Variants in CHST8 observed in about 807,000 individuals in gnomAD.
The protein encoded by CHST8 is carbohydrate sulfotransferase 8.
A neutral mutation model predicts 15.0 loss-of-function variants in CHST8; 10 were observed. The observed-to-expected ratio is 0.67, with a 90% CI of 0.41 to 1.13. The LOEUF (loss-of-function observed/expected upper bound fraction) is 1.13. Among genes scored for constraint, CHST8 ranks in the 50% most tolerant of loss-of-function variants. The pLI is 0.00. For missense variants in CHST8, 634 were observed against 608.2 expected (o/e 1.04, Z -0.45); for synonymous variants, 259 against 256.6 (o/e 1.01, Z -0.09).
chr19:33,743,185 G>A lies in CHST8; in HGVS notation c.131-28228G>A, dbSNP rs1461563473. Reference sequence around the variant, plus strand: ...CTATATTGCTTTAGAAAGGGGTGGGGGTATCTTCTAGGCAGTAGTGGATTT... The same window carrying A: ...CTATATTGCTTTAGAAAGGGGTGGGAGTATCTTCTAGGCAGTAGTGGATTT... On this transcript the variant is annotated intron_variant, in intron 3 of 4. Transcript: ENST00000650847. Among the ~76,000 whole-genome samples, 3 of 152,004 alleles carry A rather than the reference G, an allele frequency of 2.0e-5. No individual in the cohort carries two copies. In the South Asian group the frequency reaches 6.2e-4, roughly 32 times the overall value.
intron 3 of CHST8, among the ~76,000 whole-genome samples, chr19:33,719,770 A>AGT (rs1785573120): frequency 6.6e-6 from 1 of 151,220 alleles, no homozygotes; most frequent in Non-Finnish European, 1.5e-5. Flanking sequence ...AATCACATGC[A>AGT]GTCGGACCTG....
At chr19:33,722,376 C>T (rs534839838) in intron 3 of CHST8, among the ~76,000 whole-genome samples, 4 of 152,024 alleles carry the variant, frequency 2.6e-5, no homozygotes, top group East Asian at 1.9e-4. Flanking sequence ...GACGGACAGA[C>T]GGATGGGTAG....
chr19:33,664,448 C>G (rs1328268222), intron 1 of CHST8, among the ~76,000 whole-genome samples: 3 of 114,274 alleles, frequency 2.6e-5, no homozygotes, highest in South Asian at 3.9e-4. Context: ...CCCCCTCCCC[C>G]CTCCCCACAA....
intron 2 of CHST8, among the ~76,000 whole-genome samples, chr19:33,679,795 A>G (rs1186446295): frequency 6.6e-6 from 1 of 152,134 alleles, no homozygotes; most frequent in Non-Finnish European, 1.5e-5. Context: ...GGGCTTGGAG[A>G]TCTGCTGCCC....
chr19:33,759,295 A>C (rs11084750), intron 3 of CHST8, among the ~76,000 whole-genome samples: 32,114 of 152,222 alleles, frequency 0.21, 3,581 homozygotes, highest in Middle Eastern at 0.29. Flanking sequence ...ATGGGAATTC[A>C]CCATTATTTA....
At chr19:33,689,583 G>T in intron 3 of CHST8, among the ~76,000 whole-genome samples, 192 bp downstream of exon 3, 1 of 152,262 alleles carries the variant, frequency 6.6e-6, no homozygotes, top group East Asian at 1.9e-4. Flanking sequence ...TCTGATGCAA[G>T]ACCTCCAGCC....
intron 3 of CHST8, among the ~76,000 whole-genome samples, chr19:33,694,576 G>C (rs1207287593): frequency 6.6e-6 from 1 of 152,030 alleles, no homozygotes; most frequent in Non-Finnish European, 1.5e-5. Flanking sequence ...GCCAGGCCTC[G>C]TATTGAGAAC....
chr19:33,654,189 G>A (rs1305708810), intron 1 of CHST8, among the ~76,000 whole-genome samples: 1 of 152,142 alleles, frequency 6.6e-6, no homozygotes, highest in Admixed American at 6.5e-5. Flanking sequence ...TCTACGGAGA[G>A]TGTTGAAATC....
Position 33,746,558 on chromosome 19 carries a change from G to A in CHST8, c.131-24855G>A, listed in dbSNP as rs553429306. The stretch of plus-strand genomic sequence containing the variant: ...TTTTCTTACAGGCAAGCAGTATTCC[G>A]TAGAATGGATGTACCATGTTCATTT... On this transcript the variant is annotated intron_variant, in intron 3 of 4. Transcript: ENST00000650847. 1.8e-4 allele frequency among the ~76,000 whole-genome samples: 27 copies of A among 152,336 alleles called. No homozygotes were observed. The East Asian group carries it at 3.3e-3, about 18-fold the overall frequency.
chr19:33,764,296 C>G (rs948061716), intron 3 of CHST8, among the ~76,000 whole-genome samples: 2 of 152,136 alleles, frequency 1.3e-5, no homozygotes, highest in Non-Finnish European at 2.9e-5. Flanking sequence ...TCTAAACCAG[C>G]AGACGAGCTG....
At chr19:33,727,242 C>A (rs759595239) in intron 3 of CHST8, among the ~76,000 whole-genome samples, 4 of 152,076 alleles carry the variant, frequency 2.6e-5, no homozygotes, top group Non-Finnish European at 5.9e-5. Flanking sequence ...TTGGGCATCC[C>A]CTTCTGGAAA....
chr19:33,766,822 A>G (rs1314653393), intron 3 of CHST8, among the ~76,000 whole-genome samples: 3 of 152,324 alleles, frequency 2.0e-5, no homozygotes, highest in African/African-American at 4.8e-5. Context: ...TGGAGTGGAC[A>G]GCGCCAATGG....
chr19:33,726,791 G>T (rs993107295), intron 3 of CHST8, among the ~76,000 whole-genome samples: 1 of 152,178 alleles, frequency 6.6e-6, no homozygotes, highest in African/African-American at 2.4e-5. Context: ...GCTAGGAGAC[G>T]TGGGCCAGGG....
In CHST8 at chr19:33,759,291, AT is replaced by A. The variant is rs2066081256; in HGVS notation, c.131-12120del. On this transcript the variant is annotated intron_variant, in intron 3 of 4. Transcript: ENST00000650847. ...ATTTGCTGGTAACCCCACAATGGGA[AT>A]TCACCATTATTTAGACCAAATGAGG... Among the ~76,000 whole-genome samples, 4 of 152,250 alleles carry A rather than the reference AT, an allele frequency of 2.6e-5. No individual in the cohort carries two copies. In the South Asian group the frequency reaches 8.3e-4, roughly 31 times the overall value.
At chr19:33,709,899 C>T (rs1291122107) in intron 3 of CHST8, among the ~76,000 whole-genome samples, 1 of 152,146 alleles carries the variant, frequency 6.6e-6, no homozygotes, top group Non-Finnish European at 1.5e-5. Flanking sequence ...GCCTCTAACT[C>T]CTAGGCTCAA....
chr19:33,747,518 C>T (rs900580375), intron 3 of CHST8, among the ~76,000 whole-genome samples: 6 of 152,060 alleles, frequency 3.9e-5, no homozygotes, highest in Non-Finnish European at 5.9e-5. Flanking sequence ...TAAAAATAAA[C>T]AATACGTTGC....
chr19:33,757,608 C>T (rs1209859823), intron 3 of CHST8, among the ~76,000 whole-genome samples: 8 of 134,532 alleles, frequency 5.9e-5, no homozygotes, highest in South Asian at 5.0e-4. Flanking sequence ...AAGAAAGAGC[C>T]GGCCATTCAG....
intron 3 of CHST8, among the ~76,000 whole-genome samples, chr19:33,758,668 G>A (rs561630026): frequency 3.3e-5 from 5 of 152,316 alleles, no homozygotes; most frequent in African/African-American, 4.8e-5. Flanking sequence ...TGAGGCTGCC[G>A]TCCTGGCTGC....
intron 2 of CHST8, among the ~76,000 whole-genome samples, chr19:33,676,307 T>C (rs950591570): frequency 2.0e-5 from 3 of 152,212 alleles, no homozygotes; most frequent in African/African-American, 7.2e-5. Context: ...CAGTGGCTTA[T>C]GTCTGTAATC....
Sources: allele counts gnomAD v4.1 joint callset (sites outside exome capture counted in the v4.1 genomes callset), GRCh38; gene constraint gnomAD v4.1.1; transcripts MANE v1.5; gene names NCBI Gene and HGNC (gene_info 2026-07-23, HGNC 2026-07-21).